WAPL: variants seen among roughly 807,000 people sequenced by gnomAD.
WAPL encodes wings apart-like protein homolog.
In WAPL, 5 loss-of-function variants were observed where a neutral mutation model predicts 121.0. The observed-to-expected ratio is 0.04, with a 90% confidence interval of 0.02 to 0.09. The LOEUF (loss-of-function observed/expected upper bound fraction) is 0.09. Ranked by LOEUF, WAPL falls within the 10% of genes least tolerant of loss-of-function variation. The pLI is 1.00. For missense variants in WAPL, 999 were observed against 1,410.8 expected, an observed-to-expected ratio of 0.71 and a Z score of 4.68; for synonymous variants, 480 against 481.5, an observed-to-expected ratio of 1.00 and a Z score of 0.04.
At chr10:86,515,713 C>T (rs1842541618) in intron 2 of WAPL, among the ~76,000 whole-genome samples, 3 of 151,772 alleles carry the variant, frequency 2.0e-5, no homozygotes, top group Admixed American at 6.6e-5. Flanking sequence ...ATCCGGGAAG[C>T]GGAGGTTGCA....
At position 86,487,616 on chromosome 10, in the gene WAPL, T is replaced by C. The variant is rs551485895; in HGVS notation, c.1644+9585A>G. On this transcript the variant is annotated intron_variant, in intron 4 of 18. Coordinates refer to ENST00000298767, the MANE Select transcript of WAPL (RefSeq NM_015045.5). ...AAGAGTTCATGCTTTCTGGGCCAGG[T>C]GTGGTGGCTCACGCCTGTAATCCCA... 2.6e-5 allele frequency among the ~76,000 whole-genome samples: 4 copies of C among 152,114 alleles called. No homozygotes were observed. In the East Asian group the frequency reaches 5.8e-4, roughly 22 times the overall value.
At chr10:86,486,248 T>G (rs181867155) in intron 4 of WAPL, among the ~76,000 whole-genome samples, 20 of 152,354 alleles carry the variant, frequency 1.3e-4, no homozygotes, top group Admixed American at 1.1e-3. Context: ...AAAAATATGC[T>G]ATTTCATGAG....
chr10:86,465,451 C>T (rs1451592906), intron 9 of WAPL, among the ~76,000 whole-genome samples: 1 of 152,184 alleles, frequency 6.6e-6, no homozygotes, highest in Non-Finnish European at 1.5e-5. Flanking sequence ...GGTGATCCAC[C>T]CACCTCGGAT....
chr10:86,501,214 T>G (rs1351117898), intron 2 of WAPL, among the ~76,000 whole-genome samples: 1 of 152,240 alleles, frequency 6.6e-6, no homozygotes, highest in Non-Finnish European at 1.5e-5. Flanking sequence ...TCCAGAAACC[T>G]GTCCATAGGA....
chr10:86,452,262 AC>A, intron 14 of WAPL, 131 bp from the exon 15 acceptor site: 1 of 842,658 alleles, frequency 1.2e-6, no homozygotes, highest in Non-Finnish European at 1.8e-6. Flanking sequence ...ATGGCTAAAA[AC>A]CAGTATGAAA....
chr10:86,444,592 C>G (rs952035220), intron 16 of WAPL, among the ~76,000 whole-genome samples: 5 of 152,040 alleles, frequency 3.3e-5, no homozygotes, highest in African/African-American at 1.2e-4. Flanking sequence ...TGTATGACTC[C>G]TTTTTAAATG....
chr10:86,517,620 A>G lies in WAPL; in HGVS notation c.450T>C (p.Ile150=). 6.2e-7 allele frequency: 1 copy of G among 1,613,940 alleles called. No individual in the cohort carries two copies. Among genetic ancestry groups the G allele is most frequent in the East Asian group, 2.2e-5 (1 of 44,868 alleles). The change falls in exon 2 of 19, where the codon ATT becomes ATC. Residue 150 remains isoleucine, a synonymous_variant. Coordinates refer to ENST00000298767, the MANE Select transcript of WAPL (RefSeq NM_015045.5). The part of the protein sequence containing the change: ...LLGKEKSTNR[I]VEDDASISSC... ...TACTTATGCTTGCATCATCTTCTAC[A>G]ATTCGGTTTGTGCTCTTTTCTTTCC...
intron 4 of WAPL, among the ~76,000 whole-genome samples, chr10:86,481,861 AAGT>A (rs1414828403): frequency 6.6e-6 from 1 of 152,100 alleles, no homozygotes; most frequent in Non-Finnish European, 1.5e-5. Context: ...AAAAAAAAAA[AAGT>A]AAGAATGGAA....
intron 9 of WAPL, among the ~76,000 whole-genome samples, chr10:86,464,775 G>A (rs1841362164): frequency 6.6e-6 from 1 of 152,204 alleles, no homozygotes; most frequent in African/African-American, 2.4e-5. Context: ...GGTAGAGGCT[G>A]CAGTGAGCCG....
At position 86,437,404 on chromosome 10, in the gene WAPL, G is replaced by C. The variant is rs1849350643; in HGVS notation, c.*139C>G. ...TGCCGAATGCATGACGAAGAAATCA[G>C]GTGGCCTTAAAAATCCAAACACGAA... On this transcript the variant is annotated 3_prime_UTR_variant, in exon 19 of 19. Transcript: ENST00000298767. 1.6e-5 allele frequency: 12 copies of C among 747,568 alleles called. No individual in the cohort carries two copies. The East Asian group carries it at 3.5e-4, about 22-fold the overall frequency. The allele number at this position is 747,568 out of a possible 1,614,324, so 46.3% of individuals were successfully genotyped here.
Position 86,437,625 on chromosome 10 carries a change from G to C in WAPL, c.3508-17C>G. Reference sequence around the variant, plus strand: ...AACAGCACACTGAAAGCAGGGTGAAGGGGAAAGGAAGTAACAGTTAATATT... The same window carrying C: ...AACAGCACACTGAAAGCAGGGTGAACGGGAAAGGAAGTAACAGTTAATATT... On this transcript the variant is annotated splice_polypyrimidine_tract_variant and intron_variant, in intron 18 of 18. Transcript: ENST00000298767. The C allele has an allele frequency of 6.2e-7, 1 of 1,612,540 alleles. No individual in the cohort carries two copies. The highest frequency in any genetic ancestry group is 1.1e-5 in the South Asian group (1 of 90,860).
intron 8 of WAPL, among the ~76,000 whole-genome samples, chr10:86,469,165 T>C (rs1051445416): frequency 4.0e-5 from 6 of 150,626 alleles, no homozygotes; most frequent in African/African-American, 1.5e-4. Flanking sequence ...CAGGAGCCTG[T>C]AGTCCCAGTT....
intron 4 of WAPL, among the ~76,000 whole-genome samples, chr10:86,489,660 G>A (rs745593968): frequency 2.0e-5 from 3 of 152,004 alleles, no homozygotes; most frequent in Non-Finnish European, 4.4e-5. Context: ...AGTGTACAGG[G>A]CCAGCCTCCA....
rs1028306678 is a variant in WAPL, at chr10:86,453,848, A to G, written c.2658-17T>C. Reference sequence around the variant, plus strand: ...TGTAATGCTCTTAAAAGGAAATAAAATATAGACTATTATAGTAAATAATAA... The same window carrying G: ...TGTAATGCTCTTAAAAGGAAATAAAGTATAGACTATTATAGTAAATAATAA... On this transcript the variant is annotated splice_polypyrimidine_tract_variant and intron_variant, in intron 12 of 18. Coordinates refer to ENST00000298767, the MANE Select transcript of WAPL (RefSeq NM_015045.5). 3 of 1,559,926 alleles carry G rather than the reference A, an allele frequency of 1.9e-6. No homozygotes were observed. The highest frequency in any genetic ancestry group is 2.6e-6 in the Non-Finnish European group (3 of 1,153,544).
intron 12 of WAPL, among the ~76,000 whole-genome samples, chr10:86,457,327 TAAAAAA>T (rs10668599): frequency 9.0e-6 from 1 of 111,228 alleles, no homozygotes; most frequent in Non-Finnish European, 1.7e-5. Context: ...CTGTATCTAT[TAAAAAA>T]AAAAAAAAAA....
At chr10:86,492,373 G>GT (rs899227311) in intron 4 of WAPL, among the ~76,000 whole-genome samples, 9 of 152,176 alleles carry the variant, frequency 5.9e-5, no homozygotes, top group African/African-American at 1.9e-4. Flanking sequence ...CGAAAATGAG[G>GT]TAAGACAATA....
intron 4 of WAPL, among the ~76,000 whole-genome samples, chr10:86,487,148 A>C (rs945094284): frequency 6.6e-6 from 1 of 151,912 alleles, no homozygotes; most frequent in Non-Finnish European, 1.5e-5. Flanking sequence ...CAGACAATGA[A>C]TGCTTACAAG....
intron 17 of WAPL, among the ~76,000 whole-genome samples, chr10:86,439,821 G>C (rs558812430): frequency 6.6e-6 from 1 of 152,370 alleles, no homozygotes; most frequent in African/African-American, 2.4e-5. Flanking sequence ...GAAGAGCAGT[G>C]AGGAGACTGA....
Position 86,453,212 on chromosome 10 carries a change from C to T in WAPL, c.2949+8G>A. The T allele has an allele frequency of 6.2e-7, 1 of 1,613,688 alleles. No individual in the cohort carries two copies. Among genetic ancestry groups the T allele is most frequent in the South Asian group, 1.1e-5 (1 of 91,018 alleles). ...ATACTCATTTCTGAAAAAGTCATTT[C>T]AACTTACCAGCACTCGAATATCAAA... On this transcript the variant is annotated splice_region_variant and intron_variant, in intron 14 of 18. Coordinates refer to ENST00000298767, the MANE Select transcript of WAPL (RefSeq NM_015045.5).
Sources: gnomAD v4.1 joint callset for allele counts (sites outside exome capture counted in the v4.1 genomes callset) on GRCh38, gnomAD v4.1.1 for gene constraint, MANE v1.5 for transcripts, NCBI Gene and HGNC (gene_info 2026-07-23, HGNC 2026-07-21) for gene names.